The following ARHGAP26 variants were observed in gnomAD, a reference collection of about 807,000 sequenced individuals.
ARHGAP26 encodes Rho GTPase activating protein 26.
A neutral mutation model predicts 104.8 loss-of-function variants in ARHGAP26; 38 were observed. The ratio of observed to expected loss-of-function variants is 0.36; its 90% CI spans 0.28 to 0.48. ARHGAP26 has a LOEUF of 0.48. Ranked by LOEUF, ARHGAP26 falls within the 20% of genes least tolerant of loss-of-function variation. ARHGAP26 has a pLI of 0.99. For missense variants in ARHGAP26, 704 were observed against 947.9 expected, an observed-to-expected ratio of 0.74 and a Z score of 3.38; for synonymous variants, 341 against 340.0, an observed-to-expected ratio of 1.00 and a Z score of -0.03.
chr5:143,167,615 A>G (rs1802189144), intron 20 of ARHGAP26, among the ~76,000 whole-genome samples: 1 of 151,784 alleles, frequency 6.6e-6, no homozygotes, highest in South Asian at 2.1e-4. Flanking sequence ...GTGTATCACA[A>G]TTCCTTAAGA....
At chr5:143,176,426 C>A (rs577153453) in intron 20 of ARHGAP26, among the ~76,000 whole-genome samples, 12 of 152,196 alleles carry the variant, frequency 7.9e-5, no homozygotes, top group African/African-American at 2.6e-4. Flanking sequence ...GCAGGCGAAC[C>A]CTTTGGGCAG....
chr5:142,808,976 C>T (rs905159598), intron 1 of ARHGAP26, among the ~76,000 whole-genome samples: 9 of 152,212 alleles, frequency 5.9e-5, no homozygotes, highest in Non-Finnish European at 1.0e-4. Flanking sequence ...CCTTGCCCAT[C>T]AGATGGCTGC....
intron 11 of ARHGAP26, among the ~76,000 whole-genome samples, chr5:142,992,058 C>T (rs1323397318): frequency 6.6e-6 from 1 of 151,760 alleles, no homozygotes. Context: ...ATAATTAGGA[C>T]TTTTTTTTGT....
At chr5:142,808,095 C>T (rs903036048) in intron 1 of ARHGAP26, among the ~76,000 whole-genome samples, 23 of 151,376 alleles carry the variant, frequency 1.5e-4, no homozygotes, top group Non-Finnish European at 2.5e-4. Flanking sequence ...ATTAGCCAGG[C>T]GTGGTAGTGG....
At chr5:143,150,512 G>T (rs1222952955) in intron 20 of ARHGAP26, among the ~76,000 whole-genome samples, 2 of 152,168 alleles carry the variant, frequency 1.3e-5, no homozygotes, top group African/African-American at 4.8e-5. Context: ...TTAGGTGGAT[G>T]GATGAAGAGC....
At chr5:142,855,314 T>A (rs1752167640) in intron 1 of ARHGAP26, among the ~76,000 whole-genome samples, 2 of 152,172 alleles carry the variant, frequency 1.3e-5, no homozygotes, top group African/African-American at 4.8e-5. Flanking sequence ...GAATACCAGA[T>A]GCATTTAGGG....
intron 1 of ARHGAP26, among the ~76,000 whole-genome samples, chr5:142,823,210 C>T (rs182004773): frequency 7.2e-5 from 11 of 152,236 alleles, no homozygotes; most frequent in African/African-American, 2.2e-4. Flanking sequence ...CATGGAAGCT[C>T]GTGCTAAACA....
intron 4 of ARHGAP26, among the ~76,000 whole-genome samples, chr5:142,881,576 AAAG>A (rs1412213856): frequency 6.6e-6 from 1 of 152,214 alleles, no homozygotes; most frequent in Non-Finnish European, 1.5e-5. Flanking sequence ...GATGATCACT[AAAG>A]AAGAATTGTG....
intron 1 of ARHGAP26, chr5:142,867,830 T>G (rs1300145497): frequency 1.3e-5 from 2 of 152,182 alleles, no homozygotes; most frequent in Non-Finnish European, 2.9e-5. Flanking sequence ...CAGACTTACA[T>G]AAGTTGGAGA....
chr5:142,880,231 C>G (rs899935362), intron 4 of ARHGAP26, among the ~76,000 whole-genome samples: 6 of 152,096 alleles, frequency 3.9e-5, no homozygotes, highest in African/African-American at 1.2e-4. Context: ...TAATAAATCA[C>G]TAGGAGGGCT....
At chr5:142,932,866 G>A (rs1180666696) in intron 11 of ARHGAP26, among the ~76,000 whole-genome samples, 1 of 152,186 alleles carries the variant, frequency 6.6e-6, no homozygotes, top group Non-Finnish European at 1.5e-5. Flanking sequence ...AGCTTACCCT[G>A]ATGAGGTGGT....
chr5:142,963,087 T>A (rs1489407083), intron 11 of ARHGAP26, among the ~76,000 whole-genome samples: 1 of 151,028 alleles, frequency 6.6e-6, no homozygotes, highest in Non-Finnish European at 1.5e-5. Context: ...TTGCTAAGGA[T>A]AACGACCTCC....
At chr5:143,152,428 C>G (rs1799955151) in intron 20 of ARHGAP26, among the ~76,000 whole-genome samples, 1 of 152,132 alleles carries the variant, frequency 6.6e-6, no homozygotes, top group African/African-American at 2.4e-5. Context: ...TCCAGATTTC[C>G]AGCTTCTTTT....
chr5:142,860,106 G>A (rs1753067132), intron 1 of ARHGAP26: 3 of 152,178 alleles, frequency 2.0e-5, no homozygotes, highest in Admixed American at 6.5e-5. Flanking sequence ...ATGACATCCC[G>A]GTTGTTGTTC....
At chr5:143,143,895 G>T (rs768907845) in intron 19 of ARHGAP26, among the ~76,000 whole-genome samples, 1 of 152,176 alleles carries the variant, frequency 6.6e-6, no homozygotes, top group Non-Finnish European at 1.5e-5. Flanking sequence ...GCCAATGCAT[G>T]CTTACCATTA....
intron 21 of ARHGAP26, among the ~76,000 whole-genome samples, chr5:143,211,434 AT>A (rs1249291235): frequency 1.3e-5 from 2 of 152,038 alleles, no homozygotes; most frequent in Non-Finnish European, 2.9e-5. Context: ...CTCTTCTGTC[AT>A]TTCTCCCATT....
At chr5:143,108,774 C>T (rs907371110) in intron 17 of ARHGAP26, among the ~76,000 whole-genome samples, 2 of 152,200 alleles carry the variant, frequency 1.3e-5, no homozygotes, top group Non-Finnish European at 2.9e-5. Context: ...CTCTCTGTAA[C>T]ATTTCCCATG....
At chr5:143,108,666 A>T (rs541314706) in intron 17 of ARHGAP26, among the ~76,000 whole-genome samples, 1 of 152,156 alleles carries the variant, frequency 6.6e-6, no homozygotes, top group African/African-American at 2.4e-5. Context: ...TGCCAGTCAC[A>T]TGAGTTATTT....
intron 11 of ARHGAP26, among the ~76,000 whole-genome samples, chr5:142,959,215 A>G (rs1769795870): frequency 6.6e-6 from 1 of 152,242 alleles, no homozygotes; most frequent in Non-Finnish European, 1.5e-5. Context: ...GATAGAACAA[A>G]AGCACATTCA....
Sources: allele counts gnomAD v4.1 joint callset (sites outside exome capture counted in the v4.1 genomes callset), GRCh38; gene constraint gnomAD v4.1.1; transcripts MANE v1.5; gene names NCBI Gene and HGNC (gene_info 2026-07-23, HGNC 2026-07-21).